The following NCKAP5 variants were observed in gnomAD, a reference collection of about 807,000 sequenced individuals.
NCKAP5 encodes NCK associated protein 5, also known as nck-associated protein 5.
A neutral mutation model predicts 167.0 loss-of-function variants in NCKAP5; 92 were observed. That is an observed-to-expected ratio of 0.55 (90% confidence interval 0.47 to 0.66). The LOEUF is 0.66. Among genes scored for constraint, NCKAP5 ranks in the 30% least tolerant of loss-of-function variants. The pLI is 0.00. For synonymous variants in NCKAP5, 891 were observed against 877.4 expected (o/e 1.02, Z -0.27); for missense variants, 2,378 against 2,315.0 (o/e 1.03, Z -0.56).
At chr2:133,177,510 T>C (rs1170075811) in intron 5 of NCKAP5, among the ~76,000 whole-genome samples, 1 of 152,150 alleles carries the variant, frequency 6.6e-6, no homozygotes, top group Non-Finnish European at 1.5e-5. Flanking sequence ...AATGCAAACA[T>C]GGATTACTGC....
the NCKAP5 span, among the ~76,000 whole-genome samples, chr2:133,584,995 A>AAGGC: frequency 1.3e-5 from 2 of 150,388 alleles, no homozygotes; most frequent in African/African-American, 4.9e-5. Flanking sequence ...GGAAGGAAGG[A>AAGGC]GGGAAAGAAA....
chr2:132,704,140 C>T (rs186700551), intron 19 of NCKAP5, among the ~76,000 whole-genome samples: 7 of 152,326 alleles, frequency 4.6e-5, no homozygotes, highest in Admixed American at 1.3e-4. Flanking sequence ...GTAGTTCTAA[C>T]TGAAATTTGA....
At chr2:133,401,126 C>T (rs993120487) in intron 3 of NCKAP5, among the ~76,000 whole-genome samples, 1 of 152,122 alleles carries the variant, frequency 6.6e-6, no homozygotes, top group Non-Finnish European at 1.5e-5. Context: ...ACGATTTAAT[C>T]AATCACGTCT....
At chr2:132,774,091 T>C (rs974284439) in intron 15 of NCKAP5, among the ~76,000 whole-genome samples, 197 bp from the exon 16 acceptor site, 5 of 152,322 alleles carry the variant, frequency 3.3e-5, no homozygotes, top group Admixed American at 6.5e-5. Flanking sequence ...ACTCCATCAT[T>C]TGGCTTTATT....
At chr2:133,467,703 A>G (rs1314922760) in intron 3 of NCKAP5, among the ~76,000 whole-genome samples, 1 of 148,856 alleles carries the variant, frequency 6.7e-6, no homozygotes, top group East Asian at 2.0e-4. Context: ...TTATTGGTCT[A>G]TTCAGAGATT....
chr2:133,330,440 TA>T (rs1275518296), intron 3 of NCKAP5, among the ~76,000 whole-genome samples: 2 of 151,050 alleles, frequency 1.3e-5, no homozygotes, highest in Non-Finnish European at 2.9e-5. Context: ...TTTTTTTATT[TA>T]AAAAAAGGAC....
chr2:133,314,929 A>C (rs1437042061), intron 3 of NCKAP5, among the ~76,000 whole-genome samples: 2 of 152,212 alleles, frequency 1.3e-5, no homozygotes, highest in Non-Finnish European at 2.9e-5. Context: ...AGACAAAACC[A>C]GCGTAAAGGA....
chr2:133,407,634 T>C (rs545841194), intron 3 of NCKAP5, among the ~76,000 whole-genome samples: 17 of 152,312 alleles, frequency 1.1e-4, no homozygotes, highest in African/African-American at 3.8e-4. Flanking sequence ...GCTCCCAAGC[T>C]GGCTGGTTTG....
At chr2:133,593,255 T>C in the NCKAP5 span, among the ~76,000 whole-genome samples, 1 of 152,128 alleles carries the variant, frequency 6.6e-6, no homozygotes, top group Admixed American at 6.5e-5. Context: ...TGTATACACA[T>C]TTGTATATAT....
rs1361823121 is a variant in NCKAP5, at chr2:132,728,853, G to A, written c.5543C>T (p.Pro1848Leu). 1 of 1,613,820 alleles carries A rather than the reference G, an allele frequency of 6.2e-7. No individual in the cohort carries two copies. Among genetic ancestry groups the A allele is most frequent in the African/African-American group, 1.3e-5 (1 of 74,906 alleles). The change falls in exon 18 of 20, where the codon CCA becomes CTA. Residue 1848 changes from proline to leucine, a missense_variant. This residue lies in a region of NCKAP5 where 1,325 missense variants were observed against 1,274.5 expected (regional missense o/e 1.04). Transcript: ENST00000409261. ...AEDPMASQPL[P>L]DWGSEVAATG... ...GGCAGCAACTTCACTCCCCCAGTCT[G>A]GAAGCGGCTGGCTTGCCATTGGGTC...
At position 133,208,502 on chromosome 2, in the gene NCKAP5, T is replaced by A. The variant is rs143440922; in HGVS notation, c.207+5214A>T. 4.6e-5 allele frequency among the ~76,000 whole-genome samples: 7 copies of A among 152,210 alleles called. No homozygotes were observed. The East Asian group carries it at 1.4e-3, about 29-fold the overall frequency. Reference sequence around the variant, plus strand: ...AATGAGACAAATGCCACAAAAAACCTAACCAGTACTTCTTAAAACTACCAA... The same window carrying A: ...AATGAGACAAATGCCACAAAAAACCAAACCAGTACTTCTTAAAACTACCAA... On this transcript the variant is annotated intron_variant, in intron 5 of 19. Coordinates refer to ENST00000409261, the MANE Select transcript of NCKAP5 (RefSeq NM_207363.3).
At chr2:133,156,206 A>T (rs1343000516) in intron 5 of NCKAP5, among the ~76,000 whole-genome samples, 2 of 152,130 alleles carry the variant, frequency 1.3e-5, no homozygotes, top group African/African-American at 4.8e-5. Context: ...GGGAAAACTC[A>T]CCTTCTCTGC....
chr2:133,605,063 T>C, the NCKAP5 span, among the ~76,000 whole-genome samples: 1 of 152,216 alleles, frequency 6.6e-6, no homozygotes, highest in African/African-American at 2.4e-5. Flanking sequence ...TTTGCAGTTT[T>C]AATTAATACA....
chr2:133,165,917 C>A (rs191400561), intron 5 of NCKAP5, among the ~76,000 whole-genome samples: 2 of 152,264 alleles, frequency 1.3e-5, no homozygotes, highest in Non-Finnish European at 2.9e-5. Context: ...TTGGTGAATT[C>A]CATTAGCATT....
At chr2:133,346,192 C>T (rs1171075536) in intron 3 of NCKAP5, among the ~76,000 whole-genome samples, 1 of 152,098 alleles carries the variant, frequency 6.6e-6, no homozygotes, top group African/African-American at 2.4e-5. Context: ...AAAGCAGGGA[C>T]AATACAACCC....
chr2:133,221,996 C>A (rs1161062159), intron 4 of NCKAP5, among the ~76,000 whole-genome samples: 6 of 152,152 alleles, frequency 3.9e-5, no homozygotes. Flanking sequence ...AAAAAGATAA[C>A]CATAATAGCT....
At chr2:133,078,024 G>A (rs1009734871) in intron 6 of NCKAP5, among the ~76,000 whole-genome samples, 1 of 152,130 alleles carries the variant, frequency 6.6e-6, no homozygotes, top group Admixed American at 6.6e-5. Flanking sequence ...CAACATGCTG[G>A]TCCCAGATCT....
intron 6 of NCKAP5, among the ~76,000 whole-genome samples, chr2:133,023,059 G>T (rs753387005): frequency 6.6e-6 from 1 of 152,130 alleles, no homozygotes; most frequent in East Asian, 1.9e-4. Flanking sequence ...GACTCCCATC[G>T]CAGCCCACAC....
At chr2:133,210,710 G>T (rs971430279) in intron 5 of NCKAP5, among the ~76,000 whole-genome samples, 5 of 152,130 alleles carry the variant, frequency 3.3e-5, no homozygotes, top group African/African-American at 1.2e-4. Flanking sequence ...AGAAAAGTCA[G>T]AAGAGTTTGA....
Sources: allele counts gnomAD v4.1 joint callset (sites outside exome capture counted in the v4.1 genomes callset), GRCh38; gene constraint gnomAD v4.1.1; regional missense constraint gnomAD v4.1.1; transcripts MANE v1.5; gene names NCBI Gene and HGNC (gene_info 2026-07-23, HGNC 2026-07-21).